DOCK7: variants seen among roughly 807,000 people sequenced by gnomAD.
DOCK7 encodes dedicator of cytokinesis protein 7.
A neutral mutation model predicts 271.0 loss-of-function variants in DOCK7; 138 were observed. That is an observed-to-expected ratio of 0.51 (90% CI 0.44 to 0.59). The LOEUF is 0.59. DOCK7 is among the 20% of genes least tolerant of loss of function. The probability of loss-of-function intolerance (pLI) is 0.00; values close to 1 mark genes in which losing one functional copy is unlikely to be tolerated. For missense variants in DOCK7, 2,066 were observed against 2,592.4 expected (o/e 0.80, Z 4.41); for synonymous variants, 823 against 876.1 (o/e 0.94, Z 1.07).
At chr1:62,548,336 A>C (rs1009160848) in intron 22 of DOCK7, among the ~76,000 whole-genome samples, 6 of 152,054 alleles carry the variant, frequency 3.9e-5, no homozygotes, top group Non-Finnish European at 8.8e-5. Flanking sequence ...TTCAGAGTAA[A>C]GACTTAAAGG....
At chr1:62,678,211 T>A (rs1462417468) in intron 1 of DOCK7, among the ~76,000 whole-genome samples, 1 of 151,324 alleles carries the variant, frequency 6.6e-6, no homozygotes, top group African/African-American at 2.4e-5. Flanking sequence ...AGCAATGGTA[T>A]CAATCTACAC....
At chr1:62,676,001 C>T (rs1310750332) in intron 1 of DOCK7, among the ~76,000 whole-genome samples, 1 of 151,984 alleles carries the variant, frequency 6.6e-6, no homozygotes, top group Non-Finnish European at 1.5e-5. Context: ...AAGCTAAACA[C>T]AAAATTACAC....
intron 31 of DOCK7, among the ~76,000 whole-genome samples, chr1:62,515,401 C>T (rs758138955): frequency 8.5e-5 from 13 of 152,200 alleles, no homozygotes; most frequent in Non-Finnish European, 1.0e-4. Context: ...AAGGAAAATG[C>T]TCCTTTATTT....
chr1:62,597,971 A>C, intron 14 of DOCK7: 1 of 1,558,946 alleles, frequency 6.4e-7, no homozygotes, highest in Non-Finnish European at 8.6e-7. Flanking sequence ...TTCTACTTCA[A>C]CAAAAAGTGA....
Position 62,647,720 on chromosome 1 carries a change from T to G in DOCK7, c.789A>C (p.Gln263His). The change falls in exon 7 of 50, where the codon CAA (glutamine) becomes CAC (histidine). Residue 263 changes from glutamine to histidine, a missense_variant. Physicochemically the swap from Gln to His is conservative, Grantham distance 24. Coordinates refer to ENST00000635253, the MANE Select transcript of DOCK7 (RefSeq NM_001367561.1). ...GTGATAAGCATTTTACAAGAAGTCT[T>G]TGACCAAAATGTTCTTTGGGTATAT... ...VPDIPKEHFG[Q>H]RLLVKCLSLK... 2 of 1,608,508 alleles carry G rather than the reference T, an allele frequency of 1.2e-6. No individual in the cohort carries two copies. Among genetic ancestry groups the G allele is most frequent in the Non-Finnish European group, 1.7e-6 (2 of 1,178,188 alleles).
chr1:62,606,966 G>C (rs1407959059), intron 14 of DOCK7, among the ~76,000 whole-genome samples: 2 of 152,130 alleles, frequency 1.3e-5, no homozygotes, highest in Admixed American at 1.3e-4. Context: ...CCAGGACTTT[G>C]GGAGGCTGAG....
At chr1:62,584,956 A>G (rs1312593461) in intron 15 of DOCK7, 5 of 624,360 alleles carry the variant, frequency 8.0e-6, no homozygotes, top group African/African-American at 3.7e-5. Context: ...TATTCTACAT[A>G]TATTACATTT....
At chr1:62,502,105 G>C (rs559931554) in intron 37 of DOCK7, among the ~76,000 whole-genome samples, 1 of 151,688 alleles carries the variant, frequency 6.6e-6, no homozygotes, top group East Asian at 1.9e-4. Context: ...ATAAGTTCTG[G>C]CTACTAGATA....
At chr1:62,569,236 G>C (rs1646685819) in intron 18 of DOCK7, among the ~76,000 whole-genome samples, 1 of 152,100 alleles carries the variant, frequency 6.6e-6, no homozygotes, top group South Asian at 2.1e-4. Context: ...CTCATTTTAT[G>C]AGGTCAGCAT....
chr1:62,507,898 A>C, intron 35 of DOCK7, 64 bp downstream of exon 35: 1 of 1,465,332 alleles, frequency 6.8e-7, no homozygotes. Context: ...CACAGTAAAC[A>C]CTTTTCCCTC....
chr1:62,546,466 C>G (rs963039799), intron 22 of DOCK7, among the ~76,000 whole-genome samples: 1 of 152,024 alleles, frequency 6.6e-6, no homozygotes, highest in African/African-American at 2.4e-5. Context: ...GGTTCCAATC[C>G]AGGCTCTCCT....
intron 31 of DOCK7, among the ~76,000 whole-genome samples, chr1:62,517,120 C>T (rs1022705703): frequency 1.3e-5 from 2 of 152,114 alleles, no homozygotes; most frequent in African/African-American, 4.8e-5. Context: ...TCTAAATATC[C>T]TGTGCTATTT....
At chr1:62,563,925 T>C (rs1646423945) in intron 18 of DOCK7, among the ~76,000 whole-genome samples, 2 of 136,626 alleles carry the variant, frequency 1.5e-5, no homozygotes, top group African/African-American at 2.7e-5. Flanking sequence ...GTAATCCTAG[T>C]CTCTGATAAA....
intron 14 of DOCK7, among the ~76,000 whole-genome samples, chr1:62,616,381 TA>T (rs1274797739): frequency 4.6e-5 from 7 of 151,726 alleles, no homozygotes; most frequent in Non-Finnish European, 5.9e-5. Flanking sequence ...TGTAAGACAT[TA>T]AAAAAAATTA....
chr1:62,465,497 T>C (rs1423454222), intron 48 of DOCK7, among the ~76,000 whole-genome samples: 1 of 151,712 alleles, frequency 6.6e-6, no homozygotes, highest in Non-Finnish European at 1.5e-5. Context: ...AAAAAAAAAT[T>C]TGTAAGCCCG....
intron 1 of DOCK7, among the ~76,000 whole-genome samples, chr1:62,678,075 C>T (rs1660727784): frequency 6.6e-6 from 1 of 152,190 alleles, no homozygotes; most frequent in Admixed American, 6.5e-5. Flanking sequence ...TTATAGTGAG[C>T]TATGATGACG....
rs1656729908 is a variant in DOCK7, at chr1:62,646,835, C to T, written c.818+856G>A. The stretch of plus-strand genomic sequence containing the variant: ...TTAGACAGTAATGACAGCTGTGCAA[C>T]TCTGTGAATACATACCACTAACTTG... On this transcript the variant is annotated intron_variant, in intron 7 of 49. Coordinates refer to ENST00000635253, the MANE Select transcript of DOCK7 (RefSeq NM_001367561.1). 2.6e-5 allele frequency among the ~76,000 whole-genome samples: 4 copies of T among 152,272 alleles called. No individual in the cohort carries two copies. In the South Asian group the frequency reaches 8.3e-4, roughly 32 times the overall value.
At position 62,504,799 on chromosome 1, in the gene DOCK7, C is replaced by T; in HGVS notation, c.4612-17G>A. 1 of 1,607,716 alleles carries T rather than the reference C, an allele frequency of 6.2e-7. No individual in the cohort carries two copies. Among genetic ancestry groups the T allele is most frequent in the South Asian group, 1.1e-5 (1 of 89,544 alleles). Reference sequence around the variant, plus strand: ...TTCAGGAAACTGTAAAACAACAAAACAAACCACCACTGAATTTTTACAGTA... The same window carrying T: ...TTCAGGAAACTGTAAAACAACAAAATAAACCACCACTGAATTTTTACAGTA... On this transcript the variant is annotated splice_polypyrimidine_tract_variant and intron_variant, in intron 36 of 49. Transcript: ENST00000635253.
chr1:62,585,584 T>C (rs984804525), intron 15 of DOCK7, among the ~76,000 whole-genome samples: 2 of 152,264 alleles, frequency 1.3e-5, no homozygotes, highest in East Asian at 3.9e-4. Flanking sequence ...TGATTTTTCT[T>C]CCAGTGCTCT....
Sources: allele counts gnomAD v4.1 joint callset (sites outside exome capture counted in the v4.1 genomes callset), GRCh38; gene constraint gnomAD v4.1.1; transcripts MANE v1.5; gene names NCBI Gene and HGNC (gene_info 2026-07-23, HGNC 2026-07-21).